SCRN1: variants seen among roughly 807,000 people sequenced by gnomAD.
SCRN1 encodes secernin-1.
A neutral mutation model predicts 43.3 loss-of-function variants in SCRN1; 19 were observed. The ratio of observed to expected loss-of-function variants is 0.44; its 90% CI spans 0.31 to 0.64. SCRN1 has a LOEUF of 0.64. Ranked by LOEUF, SCRN1 falls within the 30% of genes least tolerant of loss-of-function variation. The pLI, the probability that SCRN1 is intolerant of heterozygous loss-of-function variation, is 0.09. For synonymous variants in SCRN1, 183 were observed against 188.9 expected, an observed-to-expected ratio of 0.97 and a Z score of 0.26; for missense variants, 447 against 524.1, an observed-to-expected ratio of 0.85 and a Z score of 1.44.
chr7:29,960,972 G>A (rs1056950113), intron 2 of SCRN1, among the ~76,000 whole-genome samples: 6 of 151,794 alleles, frequency 4.0e-5, no homozygotes, highest in African/African-American at 1.5e-4. Flanking sequence ...ATAAAATTGG[G>A]ATGTTCCAAT....
intron 3 of SCRN1, among the ~76,000 whole-genome samples, chr7:29,954,872 G>A (rs1583673835): frequency 6.6e-6 from 1 of 152,102 alleles, no homozygotes; most frequent in Non-Finnish European, 1.5e-5. Flanking sequence ...GTAGAGACGG[G>A]GTTTCACCAT....
chr7:29,984,666 C>A (rs1015067393), intron 1 of SCRN1, among the ~76,000 whole-genome samples: 4 of 151,752 alleles, frequency 2.6e-5, no homozygotes, highest in Non-Finnish European at 5.9e-5. Context: ...CGTGGTGGCT[C>A]ACACCTGTAA....
intron 1 of SCRN1, among the ~76,000 whole-genome samples, chr7:29,974,761 G>A (rs904612415): frequency 7.0e-6 from 1 of 143,218 alleles, no homozygotes; most frequent in African/African-American, 2.6e-5. Flanking sequence ...TTGGCTTACT[G>A]CAACCTCCAC....
intron 1 of SCRN1, among the ~76,000 whole-genome samples, chr7:29,986,231 G>C (rs913579707): frequency 9.2e-5 from 14 of 152,218 alleles, no homozygotes; most frequent in African/African-American, 2.9e-4. Context: ...GGGAGGCCCT[G>C]TCTCGAGAGA....
At chr7:29,959,636 T>C (rs959675497) in intron 2 of SCRN1, among the ~76,000 whole-genome samples, 2 of 152,170 alleles carry the variant, frequency 1.3e-5, no homozygotes, top group African/African-American at 4.8e-5. Context: ...TTAGGAAATG[T>C]ATTCTTAAGG....
chr7:29,947,089 G>A lies in SCRN1; in HGVS notation c.342-2910C>T, dbSNP rs1030373497. Reference sequence around the variant, plus strand: ...CTCTGCCTGGGCAGGACCAGGACAGGGAAGGGGAAGAAACTCAATGGGCCA... The same window carrying A: ...CTCTGCCTGGGCAGGACCAGGACAGAGAAGGGGAAGAAACTCAATGGGCCA... On this transcript the variant is annotated intron_variant, in intron 3 of 7. Coordinates refer to ENST00000242059, the MANE Select transcript of SCRN1 (RefSeq NM_014766.5). 52 of 1,353,206 alleles carry A rather than the reference G, an allele frequency of 3.8e-5. No individual in the cohort carries two copies. In the Middle Eastern group the frequency reaches 7.4e-4, roughly 19 times the overall value. 83.8% of individuals were successfully genotyped at this position (1,353,206 alleles called of 1,614,324 possible).
rs767110234 is a variant in SCRN1, at chr7:29,955,301, G to A, written c.219C>T (p.Pro73=). 8.7e-6 allele frequency: 14 copies of A among 1,613,978 alleles called. No homozygotes were observed. Among genetic ancestry groups the A allele is most frequent in the East Asian group, 2.2e-5 (1 of 44,886 alleles). Residue 73 remains proline, a synonymous_variant, in exon 3 of 8, where the codon CCC becomes CCT. Coordinates refer to ENST00000242059, the MANE Select transcript of SCRN1 (RefSeq NM_014766.5). The part of the protein sequence containing the change: ...PRTYAIMISR[P]AWLWGAEMGA... The stretch of plus-strand genomic sequence containing the variant: ...CCATTTCTGCTCCCCAGAGCCAGGC[G>A]GGTCTGCTTATCATTATGGCATAGG...
rs7800705 is a variant in SCRN1 at position 29,939,477 on chromosome 7, A to G, written c.739+1205T>C. Among the ~76,000 whole-genome samples the G allele has an allele frequency of 7.6e-3, 1,159 of 152,248 alleles. 13 individuals are homozygous for G. The highest frequency in any genetic ancestry group is 0.027 in the African/African-American group (1,102 of 41,548). ...GTGATCCTCTGCCTCAGCCTCCCCA[A>G]AGTACTGTGATTACAAGCATGCACC... On this transcript the variant is annotated intron_variant, in intron 5 of 7. Coordinates refer to ENST00000242059, the MANE Select transcript of SCRN1 (RefSeq NM_014766.5).
chr7:29,922,428 C>G lies in SCRN1; in HGVS notation c.*1529G>C, dbSNP rs947117859. The G allele has an allele frequency of 6.6e-6, 1 of 152,214 alleles. No individual in the cohort carries two copies. The allele number at this position is 152,214 out of a possible 1,614,324, so 9.4% of individuals were successfully genotyped here. On this transcript the variant is annotated 3_prime_UTR_variant, in exon 8 of 8. Transcript: ENST00000242059. ...CAGCTTCTGGGAAGGAGTTATTAAC[C>G]CTGTCACTTCCCAGATTGCTGATAC...
At chr7:29,990,048 C>T, upstream of SCRN1, 12 of 1,489,210 alleles carry the variant, frequency 8.1e-6, no homozygotes, top group Non-Finnish European at 8.9e-6. Context: ...TTGGTTGTGG[C>T]TCTCAAAAGG....
At chr7:29,955,537 G>A (rs934558358) in intron 2 of SCRN1, among the ~76,000 whole-genome samples, 177 bp from the exon 3 acceptor site, 9 of 152,236 alleles carry the variant, frequency 5.9e-5, no homozygotes, top group African/African-American at 2.2e-4. Flanking sequence ...TCCATGGTGA[G>A]TTTCAGACTG....
intron 1 of SCRN1, among the ~76,000 whole-genome samples, chr7:29,987,361 C>CCTCATGTGGCTA (rs1432764773): frequency 6.6e-6 from 1 of 152,124 alleles, no homozygotes; most frequent in Non-Finnish European, 1.5e-5. Flanking sequence ...TTACAATAGG[C>CCTCATGTGGCTA]TTGTTATTTA....
At chr7:29,943,953 T>G in intron 4 of SCRN1, 24 bp downstream of exon 4, 2 of 1,612,102 alleles carry the variant, frequency 1.2e-6, no homozygotes, top group Non-Finnish European at 1.7e-6. Context: ...TCCTCAGAAC[T>G]CTCCATCATC....
intron 3 of SCRN1, among the ~76,000 whole-genome samples, chr7:29,948,990 G>A (rs1787825093): frequency 1.3e-5 from 2 of 152,270 alleles, no homozygotes; most frequent in South Asian, 4.1e-4. Context: ...AGGCCCAGAG[G>A]CATTATCATG....
In SCRN1 at chr7:29,920,718, C is replaced by T. The variant is rs1786728461; in HGVS notation, c.*3239G>A. Reference sequence around the variant, plus strand: ...CCCACCCGGCTTCCCTGCTGAACCACCCAGTACTGAATAACACCTGTACCA... The same window carrying T: ...CCCACCCGGCTTCCCTGCTGAACCATCCAGTACTGAATAACACCTGTACCA... On this transcript the variant is annotated 3_prime_UTR_variant, in exon 8 of 8. Transcript: ENST00000242059. 1 of 152,234 alleles carries T rather than the reference C, an allele frequency of 6.6e-6. No homozygotes were observed. The highest frequency in any genetic ancestry group is 1.9e-4 in the East Asian group (1 of 5,200). The allele number at this position is 152,234 out of a possible 1,614,324, so 9.4% of individuals were successfully genotyped here. A position where few individuals can be genotyped will look rare whatever the true frequency, so the allele number is the denominator to read the frequency against.
At chr7:29,940,199 T>A (rs964591344) in intron 5 of SCRN1, among the ~76,000 whole-genome samples, 1 of 151,756 alleles carries the variant, frequency 6.6e-6, no homozygotes, top group East Asian at 1.9e-4. Context: ...AATAAATAAA[T>A]AAAATAAGTT....
At position 29,920,109 on chromosome 7, in the gene SCRN1, T is replaced by C. The variant is rs1786704115; in HGVS notation, c.*3848A>G. 1 of 152,514 alleles carries C rather than the reference T, an allele frequency of 6.6e-6. No homozygotes were observed. The highest frequency in any genetic ancestry group is 2.1e-4 in the South Asian group (1 of 4,820). 9.4% of individuals were successfully genotyped at this position (152,514 alleles called of 1,614,324 possible). Reference sequence around the variant, plus strand: ...ACAGAAGAGGCCACTCCACTGGATGTTAATTTCAGTTTTTTTTATTGTATG... The same window carrying C: ...ACAGAAGAGGCCACTCCACTGGATGCTAATTTCAGTTTTTTTTATTGTATG... On this transcript the variant is annotated 3_prime_UTR_variant, in exon 8 of 8. Transcript: ENST00000242059.
In SCRN1 at chr7:29,944,109, C is replaced by T; in HGVS notation, c.412G>A (p.Gly138Arg). The T allele has an allele frequency of 6.2e-7, 1 of 1,614,230 alleles. No individual in the cohort carries two copies. Among genetic ancestry groups the T allele is most frequent in the African/African-American group, 1.3e-5 (1 of 75,074 alleles). ...DVIVSLLEEH[G>R]QGGNYFEDAN... Reference sequence around the variant, plus strand: ...TCTTCAAAGTAATTCCCACCTTGTCCATGTTCTTCCAACAAGGAGACAATG... The same window carrying T: ...TCTTCAAAGTAATTCCCACCTTGTCTATGTTCTTCCAACAAGGAGACAATG... The change falls in exon 4 of 8, where the codon GGA becomes AGA. Residue 138 changes from glycine to arginine, a missense_variant. Coordinates refer to ENST00000242059, the MANE Select transcript of SCRN1 (RefSeq NM_014766.5).
intron 1 of SCRN1, among the ~76,000 whole-genome samples, chr7:29,973,250 C>T (rs1195656159): frequency 6.6e-6 from 1 of 152,206 alleles, no homozygotes; most frequent in Non-Finnish European, 1.5e-5. Flanking sequence ...AATCTCATAT[C>T]CTGACTCTGA....
Sources: gnomAD v4.1 joint callset for allele counts (sites outside exome capture counted in the v4.1 genomes callset) on GRCh38, gnomAD v4.1.1 for gene constraint, MANE v1.5 for transcripts, NCBI Gene and HGNC (gene_info 2026-07-23, HGNC 2026-07-21) for gene names.